INPP5D: variants seen among roughly 807,000 people sequenced by gnomAD.
INPP5D encodes the protein inositol polyphosphate-5-phosphatase D.
In INPP5D, 33 loss-of-function variants were observed where a neutral mutation model predicts 122.9. That is an observed-to-expected ratio of 0.27 (90% confidence interval 0.20 to 0.36). The LOEUF (loss-of-function observed/expected upper bound fraction) is 0.36, where lower values mean the gene tolerates loss of function less well. INPP5D is among the 10% of genes least tolerant of loss of function. The pLI, the probability that INPP5D is intolerant of heterozygous loss-of-function variation, is 1.00. For synonymous variants in INPP5D, 584 were observed against 576.2 expected, an observed-to-expected ratio of 1.01 and a Z score of -0.19; for missense variants, 1,053 against 1,412.7, an observed-to-expected ratio of 0.75 and a Z score of 4.08.
chr2:233,174,107 G>A (rs1318039624), intron 17 of INPP5D, among the ~76,000 whole-genome samples: 1 of 152,226 alleles, frequency 6.6e-6, no homozygotes, highest in Non-Finnish European at 1.5e-5. Flanking sequence ...ACCTCCTGAA[G>A]GACCTGCCTG....
chr2:233,095,749 CA>C (rs35022167), intron 2 of INPP5D, among the ~76,000 whole-genome samples: 106,874 of 151,104 alleles, frequency 0.71, 37,912 homozygotes, highest in Middle Eastern at 0.79. Context: ...TCAGCTTGGT[CA>C]AAAAAAAATT....
intron 22 of INPP5D, among the ~76,000 whole-genome samples, chr2:233,191,389 C>T (rs888016456): frequency 6.6e-6 from 1 of 152,144 alleles, no homozygotes; most frequent in Non-Finnish European, 1.5e-5. Context: ...ATTGTGGGAA[C>T]GACAATTCAA....
intron 17 of INPP5D, among the ~76,000 whole-genome samples, chr2:233,173,275 G>A (rs1694539582): frequency 6.6e-6 from 1 of 152,040 alleles, no homozygotes; most frequent in African/African-American, 2.4e-5. Context: ...GAAGCTTGCA[G>A]GCTTGGAAGT....
chr2:233,146,993 T>A (rs1351624168), intron 8 of INPP5D, among the ~76,000 whole-genome samples: 1 of 152,086 alleles, frequency 6.6e-6, no homozygotes, highest in African/African-American at 2.4e-5. Flanking sequence ...GACCTGGTGA[T>A]TATCCTCTAT....
At chr2:233,064,706 A>G (rs1165012310) in intron 1 of INPP5D, among the ~76,000 whole-genome samples, 3 of 152,194 alleles carry the variant, frequency 2.0e-5, no homozygotes, top group African/African-American at 7.2e-5. Context: ...AACAGAGACC[A>G]TAAGGTGGCC....
At chr2:233,130,453 A>G in intron 4 of INPP5D, 55 bp from the exon 5 acceptor site, 2 of 1,585,866 alleles carry the variant, frequency 1.3e-6, no homozygotes, top group Non-Finnish European at 1.7e-6. Context: ...CCCATTGGTG[A>G]TGGTGGCTAA....
intron 5 of INPP5D, among the ~76,000 whole-genome samples, chr2:233,138,648 G>A (rs1213418691): frequency 2.0e-5 from 3 of 152,108 alleles, no homozygotes; most frequent in Non-Finnish European, 2.9e-5. Flanking sequence ...ATCAAGAGCC[G>A]TAATCTCTGG....
rs73996025 is a variant in INPP5D, at chr2:233,100,439, C to A, written c.198+21041C>A. 5.2e-4 allele frequency among the ~76,000 whole-genome samples: 79 copies of A among 152,286 alleles called. No individual in the cohort carries two copies. The highest frequency in any genetic ancestry group is 1.8e-3 in the African/African-American group (75 of 41,560). On this transcript the variant is annotated intron_variant, in intron 2 of 26. Transcript: ENST00000445964. The surrounding 1 kb of genome is among the most constrained non-coding windows in gnomAD (Gnocchi z 5.3). Reference sequence around the variant, plus strand: ...TCATGCTGTTAGTAATCTCATCTAGCCTCTTGCCTGGGGTGGACGTCAAGC... The same window carrying A: ...TCATGCTGTTAGTAATCTCATCTAGACTCTTGCCTGGGGTGGACGTCAAGC...
At position 233,189,706 on chromosome 2, in the gene INPP5D, A is replaced by C; in HGVS notation, c.2359-144A>C. On this transcript the variant is annotated intron_variant, in intron 21 of 26. Coordinates refer to ENST00000445964, the MANE Select transcript of INPP5D (RefSeq NM_001017915.3). The surrounding 1 kb of genome is among the most constrained non-coding windows in gnomAD (Gnocchi z 5.6). ...AGGGTGTATGTGAAAGCTATACCCC[A>C]CCTGCTCTCTTGGGTATGGACAGCA... 8.1e-7 allele frequency: 1 copy of C among 1,231,638 alleles called. No homozygotes were observed. Among genetic ancestry groups the C allele is most frequent in the Non-Finnish European group, 1.1e-6 (1 of 911,552 alleles). 76.3% of individuals were successfully genotyped at this position (1,231,638 alleles called of 1,614,324 possible).
At chr2:233,138,894 C>T (rs1179953353) in intron 5 of INPP5D, among the ~76,000 whole-genome samples, 2 of 151,840 alleles carry the variant, frequency 1.3e-5, no homozygotes, top group South Asian at 2.1e-4. Context: ...TACAGGAGCC[C>T]GCCACCACAC....
At chr2:233,145,502 G>A (rs920975914) in intron 6 of INPP5D, among the ~76,000 whole-genome samples, 14 of 152,198 alleles carry the variant, frequency 9.2e-5, no homozygotes, top group Non-Finnish European at 2.1e-4. Context: ...ACAGAACAAG[G>A]CAACTTGATA....
intron 1 of INPP5D, among the ~76,000 whole-genome samples, chr2:233,062,985 T>TAA (rs541988646): frequency 2.7e-4 from 39 of 143,944 alleles, no homozygotes; most frequent in African/African-American, 8.6e-4. Flanking sequence ...GGAAGGGCAT[T>TAA]AAAAAAAAAA....
At chr2:233,134,100 T>C (rs1340894668) in intron 5 of INPP5D, 1 of 443,144 alleles carries the variant, frequency 2.3e-6, no homozygotes, top group African/African-American at 2.0e-5. Context: ...GGGTTCCCAG[T>C]GTGAGGGGCT....
intron 18 of INPP5D, among the ~76,000 whole-genome samples, chr2:233,178,579 T>C (rs1694705220): frequency 6.6e-6 from 1 of 151,942 alleles, no homozygotes; most frequent in Non-Finnish European, 1.5e-5. Context: ...GCCTGCCAGG[T>C]TCAAGTGACT....
chr2:233,105,254 G>A lies in INPP5D; in HGVS notation c.199-16853G>A, dbSNP rs771997207. Among the ~76,000 whole-genome samples the A allele has an allele frequency of 3.3e-5, 5 of 152,148 alleles. No individual in the cohort carries two copies. The highest frequency in any genetic ancestry group is 4.8e-5 in the African/African-American group (2 of 41,442). On this transcript the variant is annotated intron_variant, in intron 2 of 26. Transcript: ENST00000445964. This position sits in a 1 kb window ranked among gnomAD's most constrained non-coding sequence, Gnocchi z 4.0. ...GGGAACTGGGTAGGACAGCAGCTGC[G>A]CTCTCTGTAAGAACCTGGCTATGGT... is the stretch of plus-strand genomic sequence containing the variant.
intron 2 of INPP5D, among the ~76,000 whole-genome samples, chr2:233,086,366 A>G (rs756015675): frequency 1.4e-4 from 22 of 151,872 alleles, no homozygotes; most frequent in Non-Finnish European, 3.1e-4. Flanking sequence ...TTTAGAAGAG[A>G]TGGGACTTCA....
At chr2:233,137,434 T>C (rs1442351158) in intron 5 of INPP5D, among the ~76,000 whole-genome samples, 1 of 149,268 alleles carries the variant, frequency 6.7e-6, no homozygotes, top group African/African-American at 2.5e-5. Flanking sequence ...TAGGGAAACA[T>C]TAAAATCATT....
At chr2:233,091,976 G>T (rs919587386) in intron 2 of INPP5D, among the ~76,000 whole-genome samples, 1 of 152,202 alleles carries the variant, frequency 6.6e-6, no homozygotes, top group African/African-American at 2.4e-5. Flanking sequence ...GAGTAAATTT[G>T]CAATACAAAC....
intron 1 of INPP5D, among the ~76,000 whole-genome samples, chr2:233,068,524 G>C (rs930191913): frequency 2.0e-5 from 3 of 152,122 alleles, no homozygotes; most frequent in African/African-American, 7.2e-5. Context: ...GAACCCAGGA[G>C]GTGGAGGTTG....
Sources: allele counts gnomAD v4.1 joint callset (sites outside exome capture counted in the v4.1 genomes callset), GRCh38; gene constraint gnomAD v4.1.1; non-coding constraint Gnocchi (gnomAD v3.1); transcripts MANE v1.5; gene names NCBI Gene and HGNC (gene_info 2026-07-23, HGNC 2026-07-21).